The following XBP1 variants were observed in gnomAD, a reference collection of about 807,000 sequenced individuals.
XBP1 encodes the protein X-box binding protein 1, also known as X-box-binding protein 1.
XBP1 carries 18 observed loss-of-function variants against 34.6 expected under a neutral mutation model. The ratio of observed to expected loss-of-function variants is 0.52; its 90% CI spans 0.36 to 0.77. The LOEUF (loss-of-function observed/expected upper bound fraction) is 0.77, where lower values mean the gene tolerates loss of function less well. Among genes scored for constraint, XBP1 ranks in the 30% least tolerant of loss-of-function variants. The pLI, the probability that XBP1 is intolerant of heterozygous loss-of-function variation, is 0.00. For missense variants in XBP1, 422 were observed against 464.6 expected (o/e 0.91, Z 0.84); for synonymous variants, 191 against 193.4 (o/e 0.99, Z 0.11).
At chr22:28,795,878 C>G in intron 5 of XBP1, 146 bp from the exon 6 acceptor site, 1 of 1,224,716 alleles carries the variant, frequency 8.2e-7, no homozygotes, top group Non-Finnish European at 1.1e-6. Flanking sequence ...TTTATCTACA[C>G]TTCACTCCAT....
downstream of XBP1, chr22:28,794,982 C>T (rs1259230937): frequency 4.4e-6 from 2 of 458,160 alleles, no homozygotes; most frequent in Admixed American, 7.8e-5. Flanking sequence ...AGTAATATGT[C>T]TCAATACCTT....
intron 1 of XBP1, chr22:28,799,813 G>A (rs773105684): frequency 5.0e-5 from 30 of 600,726 alleles, no homozygotes; most frequent in Non-Finnish European, 8.2e-5. Flanking sequence ...TCTCCCCAAA[G>A]ACCTCATGAA....
In XBP1 at chr22:28,797,206, C is replaced by T. The variant is rs139447098; in HGVS notation, c.325-1G>A. 6.2e-7 allele frequency: 1 copy of T among 1,612,124 alleles called. No individual in the cohort carries two copies. The highest frequency in any genetic ancestry group is 1.3e-5 in the African/African-American group (1 of 74,750). On this transcript the variant is annotated splice_acceptor_variant, in intron 2 of 5. Coordinates refer to ENST00000344347, the Ensembl canonical transcript of XBP1. LOFTEE classifies it high-confidence loss of function. Reference sequence around the variant, plus strand: ...GATTTTCTAGCAAAAGTTTTTGGTTCTGGAAGAAAGTTCATAAGAGGCTAT... The same window carrying T: ...GATTTTCTAGCAAAAGTTTTTGGTTTTGGAAGAAAGTTCATAAGAGGCTAT...
exon 1 of XBP1, chr22:28,800,507 G>A: frequency 6.7e-7 from 1 of 1,489,094 alleles, no homozygotes; most frequent in Non-Finnish European, 8.9e-7. Context: ...GGTTCGGCGC[G>A]GCTGCCACCA....
intron 5 of XBP1, 48 bp from the exon 6 acceptor site, chr22:28,795,780 G>GA (rs760726442): frequency 1.3e-6 from 2 of 1,502,074 alleles, no homozygotes; most frequent in Non-Finnish European, 1.8e-6. Context: ...GAATACAATG[G>GA]AAAATCTAAC....
chr22:28,798,463 G>A (rs1034614266), intron 2 of XBP1, among the ~76,000 whole-genome samples: 1 of 150,686 alleles, frequency 6.6e-6, no homozygotes, highest in Admixed American at 6.6e-5. Flanking sequence ...TGCCTGCCAC[G>A]ACACCCGGCT....
chr22:28,799,712 A>T (rs965378513), intron 1 of XBP1, among the ~76,000 whole-genome samples: 2 of 152,136 alleles, frequency 1.3e-5, no homozygotes, highest in Non-Finnish European at 2.9e-5. Context: ...CTCAGAAGAG[A>T]CACTTCATAA....
intron 5 of XBP1, 143 bp from the exon 6 acceptor site, chr22:28,795,875 ACACTT>A: frequency 8.2e-7 from 1 of 1,213,924 alleles, no homozygotes; most frequent in African/African-American, 1.5e-5. Context: ...CCATTTATCT[ACACTT>A]CACTCCATGT....
At position 28,797,187 on chromosome 22, in the gene XBP1, C is replaced by G. The variant is rs761446510; in HGVS notation, c.343G>C (p.Glu115Gln). 2 of 1,612,524 alleles carry G rather than the reference C, an allele frequency of 1.2e-6. No homozygotes were observed. Among genetic ancestry groups the G allele is most frequent in the Non-Finnish European group, 1.7e-6 (2 of 1,179,748 alleles). Residue 115 changes from glutamate to glutamine, a missense_variant, in exon 3 of 6, where the codon GAA (glutamate) becomes CAA (glutamine). Around this residue, in one of 3 missense-constraint regions of XBP1, gnomAD observed 292 missense variants for 339.9 expected, o/e 0.86. Coordinates refer to ENST00000344347, the Ensembl canonical transcript of XBP1. ...GTTTTCTCTCGTAAAAGCTGATTTTCTAGCAAAAGTTTTTGGTTCTGGAAG... is the reference window on the plus strand; with the variant it reads ...GTTTTCTCTCGTAAAAGCTGATTTTGTAGCAAAAGTTTTTGGTTCTGGAAG...
rs1369997891 is a variant in XBP1, at chr22:28,797,772, G to C, written c.325-567C>G. On this transcript the variant is annotated intron_variant, in intron 2 of 5. Transcript: ENST00000344347. ...CACTCCAGCCTGGGCAACAGAGTGA[G>C]ACTCCATCTCAAAATAATGATGATG... is the stretch of plus-strand genomic sequence containing the variant. Among the ~76,000 whole-genome samples the C allele has an allele frequency of 5.3e-5, 8 of 151,508 alleles. No homozygotes were observed. The East Asian group carries it at 1.5e-3, about 29-fold the overall frequency.
rs751922070 is a variant in XBP1, at chr22:28,800,055, C to A, written c.227+243G>T. On this transcript the variant is annotated intron_variant, in intron 1 of 5. Transcript: ENST00000344347. ...CCCGCATCCCCAGCTCTGGTCATCT[C>A]TAACGAGAGAGTTAAAAAGTACAGA... 9.1e-6 allele frequency: 7 copies of A among 773,168 alleles called. No individual in the cohort carries two copies. In the African/African-American group the frequency reaches 1.0e-4, roughly 11 times the overall value. 47.9% of individuals were successfully genotyped at this position (773,168 alleles called of 1,614,324 possible). A position where few individuals can be genotyped will look rare whatever the true frequency, so the allele number is the denominator to read the frequency against.
At chr22:28,799,355 T>C (rs554196744) in intron 1 of XBP1, among the ~76,000 whole-genome samples, 15 of 152,326 alleles carry the variant, frequency 9.8e-5, no homozygotes, top group African/African-American at 3.4e-4. Flanking sequence ...ACCTGCTTTA[T>C]TCTCTCCTAT....
At chr22:28,798,309 T>C (rs2031788781) in intron 2 of XBP1, among the ~76,000 whole-genome samples, 1 of 148,366 alleles carries the variant, frequency 6.7e-6, no homozygotes, top group African/African-American at 2.5e-5. Flanking sequence ...TAACTTTTTT[T>C]TTTTTTTTGA....
intron 1 of XBP1, chr22:28,800,019 G>C (rs569837646): frequency 1.3e-6 from 1 of 779,282 alleles, no homozygotes; most frequent in Non-Finnish European, 2.4e-6. Context: ...AGAGGGCCTG[G>C]AAGACAGGTG....
intron 2 of XBP1, 70 bp downstream of exon 2, chr22:28,798,987 G>T: frequency 7.8e-7 from 1 of 1,289,326 alleles, no homozygotes; most frequent in Non-Finnish European, 1.1e-6. Flanking sequence ...GGGATGGGAA[G>T]CAAATATCAG....
chr22:28,795,460 G>A (rs1266064147), exon 6 of XBP1: 4 of 1,611,704 alleles, frequency 2.5e-6, no homozygotes, highest in South Asian at 1.1e-5. Context: ...GTGCTTCCTC[G>A]ATTTTCACTA....
intron 3 of XBP1, chr22:28,796,457 C>T: frequency 3.2e-6 from 1 of 313,268 alleles, no homozygotes; most frequent in Non-Finnish European, 5.8e-6. Flanking sequence ...TCCCTTTTCT[C>T]ATCTCTTGAG....
intron 1 of XBP1, chr22:28,799,927 G>C (rs2031836044): frequency 2.6e-6 from 2 of 775,890 alleles, no homozygotes; most frequent in African/African-American, 1.7e-5. Flanking sequence ...CGCCTCTCCA[G>C]AAATAGCAGT....
In XBP1 at chr22:28,800,231, C is replaced by G. The variant is rs1290425185; in HGVS notation, c.227+67G>C. On this transcript the variant is annotated intron_variant, in intron 1 of 5. Transcript: ENST00000344347. ...CCAGTGCTGGGTCCCCGCTCCCAGCCCCTGCCCCTGCCCCTGTCCCTAGTC... is the reference window on the plus strand; with the variant it reads ...CCAGTGCTGGGTCCCCGCTCCCAGCGCCTGCCCCTGCCCCTGTCCCTAGTC... 2.7e-6 allele frequency: 4 copies of G among 1,509,236 alleles called. No individual in the cohort carries two copies. In the African/African-American group the frequency reaches 4.2e-5, roughly 16 times the overall value. The allele number at this position is 1,509,236 out of a possible 1,614,324, so 93.5% of individuals were successfully genotyped here. A position where few individuals can be genotyped will look rare whatever the true frequency, so the allele number is the denominator to read the frequency against.
Sources: allele counts gnomAD v4.1 joint callset (sites outside exome capture counted in the v4.1 genomes callset), GRCh38; gene constraint gnomAD v4.1.1; regional missense constraint gnomAD v4.1.1; transcripts MANE v1.5; gene names NCBI Gene and HGNC (gene_info 2026-07-23, HGNC 2026-07-21).